The following TENM2 variants were observed in gnomAD, a reference collection of about 807,000 sequenced individuals.
TENM2 encodes the protein teneurin-2.
In TENM2, 52 loss-of-function variants were observed where a neutral mutation model predicts 245.2. That is an observed-to-expected ratio of 0.21 (90% CI 0.17 to 0.27). TENM2 has a LOEUF of 0.27. Among genes scored for constraint, TENM2 ranks in the 10% least tolerant of loss-of-function variants. The probability of loss-of-function intolerance (pLI) is 1.00; values close to 1 mark genes in which losing one functional copy is unlikely to be tolerated. For synonymous variants in TENM2, 1,363 were observed against 1,438.9 expected (o/e 0.95, Z 1.19); for missense variants, 3,046 against 3,666.8 (o/e 0.83, Z 4.37).
At chr5:167,076,369 A>G in the TENM2 span, among the ~76,000 whole-genome samples, 2 of 152,234 alleles carry the variant, frequency 1.3e-5, no homozygotes, top group Non-Finnish European at 2.9e-5. Flanking sequence ...GTAAAAAATC[A>G]TAGGAAAAAA....
At chr5:166,995,991 T>G in the TENM2 span, among the ~76,000 whole-genome samples, 1 of 152,004 alleles carries the variant, frequency 6.6e-6, no homozygotes, top group African/African-American at 2.4e-5. Flanking sequence ...ATTTTTATTT[T>G]TATGATTCAT....
At chr5:167,515,008 C>T (rs1202722074) in intron 2 of TENM2, among the ~76,000 whole-genome samples, 3 of 152,038 alleles carry the variant, frequency 2.0e-5, no homozygotes, top group Non-Finnish European at 4.4e-5. Flanking sequence ...GAGACTCCAT[C>T]TCAAAAGCAA....
chr5:167,571,598 G>A (rs552090754), intron 2 of TENM2, among the ~76,000 whole-genome samples: 2 of 152,096 alleles, frequency 1.3e-5, no homozygotes, highest in East Asian at 1.9e-4. Flanking sequence ...CTAAGGAAGC[G>A]GTAAAAATAA....
intron 2 of TENM2, among the ~76,000 whole-genome samples, chr5:167,430,937 T>C (rs555543105): frequency 6.6e-6 from 1 of 152,318 alleles, no homozygotes; most frequent in East Asian, 1.9e-4. Context: ...ATTTCCAATG[T>C]TTCTATGCAA....
At chr5:168,107,642 G>A (rs1225410831) in intron 9 of TENM2, among the ~76,000 whole-genome samples, 5 of 152,012 alleles carry the variant, frequency 3.3e-5, no homozygotes, top group African/African-American at 1.2e-4. Context: ...GGTCATCCAC[G>A]ATCTAAACTG....
intron 2 of TENM2, among the ~76,000 whole-genome samples, chr5:167,760,980 G>T (rs1657200349): frequency 6.6e-6 from 1 of 152,024 alleles, no homozygotes; most frequent in African/African-American, 2.4e-5. Flanking sequence ...CTGCTGCAAT[G>T]TCCATGTCCT....
chr5:167,109,162 T>C, the TENM2 span, among the ~76,000 whole-genome samples: 1 of 152,180 alleles, frequency 6.6e-6, no homozygotes, highest in Non-Finnish European at 1.5e-5. Context: ...TATTAGAAAA[T>C]AGTAAGGCAC....
At chr5:168,135,906 A>G (rs1365634418) in intron 12 of TENM2, among the ~76,000 whole-genome samples, 1 of 152,108 alleles carries the variant, frequency 6.6e-6, no homozygotes, top group African/African-American at 2.4e-5. Context: ...GGGTTTTATT[A>G]TTAAGGTCCT....
At chr5:167,920,352 A>AG (rs1777267541) in intron 3 of TENM2, among the ~76,000 whole-genome samples, 5 of 144,936 alleles carry the variant, frequency 3.4e-5, no homozygotes, top group African/African-American at 1.1e-4. Flanking sequence ...AAAAAAAAAG[A>AG]AAAAAAAAAT....
At position 167,443,983 on chromosome 5, in the gene TENM2, C is replaced by T. The variant is rs566624709; in HGVS notation, c.502+68510C>T. Among the ~76,000 whole-genome samples the T allele has an allele frequency of 1.4e-3, 213 of 152,106 alleles. 1 individual carries two copies. Among genetic ancestry groups the T allele is most frequent in the South Asian group, 5.0e-3 (24 of 4,820 alleles). On this transcript the variant is annotated intron_variant, in intron 2 of 28. Transcript: ENST00000518659. ...AATTCATTAAGTTCAAAAAGTCTTACTTAAAATAGCCCTAAAATATTAGCA... is the reference window on the plus strand; with the variant it reads ...AATTCATTAAGTTCAAAAAGTCTTATTTAAAATAGCCCTAAAATATTAGCA...
chr5:167,526,306 A>G (rs929563858), intron 2 of TENM2, among the ~76,000 whole-genome samples: 16 of 151,804 alleles, frequency 1.1e-4, no homozygotes, highest in Admixed American at 1.1e-3. Context: ...ATGTGAATGC[A>G]TAGAGTCAGC....
chr5:168,189,827 C>T (rs1359729117), intron 13 of TENM2, among the ~76,000 whole-genome samples: 4 of 152,056 alleles, frequency 2.6e-5, no homozygotes, highest in African/African-American at 9.7e-5. Flanking sequence ...AGGTTGGTCT[C>T]GAATTCCTGG....
chr5:167,424,170 C>T (rs1763676422), intron 2 of TENM2, among the ~76,000 whole-genome samples: 1 of 143,402 alleles, frequency 7.0e-6, no homozygotes, highest in Admixed American at 7.2e-5. Context: ...TAACATGCCC[C>T]ACCTGACGTC....
intron 2 of TENM2, among the ~76,000 whole-genome samples, chr5:167,797,367 C>T (rs990052638): frequency 5.3e-5 from 8 of 152,052 alleles, no homozygotes; most frequent in African/African-American, 7.2e-5. Context: ...CTTTAATGAG[C>T]GGAAATATTT....
At chr5:167,147,247 A>T in the TENM2 span, among the ~76,000 whole-genome samples, 1 of 152,224 alleles carries the variant, frequency 6.6e-6, no homozygotes, top group Non-Finnish European at 1.5e-5. Context: ...GAAGGATCTG[A>T]GCCTGCTCAT....
At chr5:167,146,791 G>T in the TENM2 span, among the ~76,000 whole-genome samples, 1 of 151,860 alleles carries the variant, frequency 6.6e-6, no homozygotes, top group Admixed American at 6.6e-5. Context: ...CACCTCAGAA[G>T]AACACTGAAA....
intron 2 of TENM2, among the ~76,000 whole-genome samples, chr5:167,426,859 T>A (rs1400851425): frequency 6.6e-6 from 1 of 152,136 alleles, no homozygotes; most frequent in Non-Finnish European, 1.5e-5. Flanking sequence ...TTTTCAATAC[T>A]AAATTGATCA....
At chr5:167,391,389 G>T (rs1027398967) in intron 2 of TENM2, among the ~76,000 whole-genome samples, 1 of 152,026 alleles carries the variant, frequency 6.6e-6, no homozygotes, top group Non-Finnish European at 1.5e-5. Flanking sequence ...ATTTTGGGAG[G>T]CTGAGGCGAG....
At chr5:167,749,424 G>A (rs771221144) in intron 2 of TENM2, among the ~76,000 whole-genome samples, 1 of 152,142 alleles carries the variant, frequency 6.6e-6, no homozygotes, top group Non-Finnish European at 1.5e-5. Context: ...CAGATCATGA[G>A]GTCAGGAGTT....
Sources: gnomAD v4.1 joint callset for allele counts (sites outside exome capture counted in the v4.1 genomes callset) on GRCh38, gnomAD v4.1.1 for gene constraint, MANE v1.5 for transcripts, NCBI Gene and HGNC (gene_info 2026-07-23, HGNC 2026-07-21) for gene names.